The following AADACL2 variants were observed in gnomAD, a reference collection of about 807,000 sequenced individuals.
AADACL2 encodes arylacetamide deacetylase like 2, also known as arylacetamide deacetylase-like 2.
AADACL2 carries 23 observed loss-of-function variants against 22.3 expected under a neutral mutation model. The ratio of observed to expected loss-of-function variants is 1.03; its 90% CI spans 0.74 to 1.46. The LOEUF (loss-of-function observed/expected upper bound fraction) is 1.46, where lower values mean the gene tolerates loss of function less well. Ranked by LOEUF, AADACL2 falls within the 40% of genes most tolerant of loss-of-function variation. The probability of loss-of-function intolerance (pLI) is 0.00; values close to 1 mark genes in which losing one functional copy is unlikely to be tolerated. For missense variants in AADACL2, 472 were observed against 482.9 expected (o/e 0.98, Z 0.21); for synonymous variants, 177 against 166.2 (o/e 1.07, Z -0.50).
intron 1 of AADACL2, among the ~76,000 whole-genome samples, chr3:151,736,154 T>C (rs1713078508): frequency 6.6e-6 from 1 of 151,812 alleles, no homozygotes; most frequent in Non-Finnish European, 1.5e-5. Flanking sequence ...GCCTACAAAA[T>C]TTATTTTTCT....
chr3:151,750,241 T>C (rs1713619540), intron 4 of AADACL2, among the ~76,000 whole-genome samples: 2 of 152,342 alleles, frequency 1.3e-5, no homozygotes, highest in South Asian at 4.1e-4. Flanking sequence ...AGTATTTTGC[T>C]TATAATTTTT....
At position 151,757,170 on chromosome 3, in the gene AADACL2, C is replaced by T. The variant is rs2107992628; in HGVS notation, c.782C>T (p.Pro261Leu). Residue 261 changes from proline (P) to leucine (L), a missense_variant, in exon 5 of 5, where the codon CCC becomes CTC. Pro to Leu is a moderately conservative substitution (Grantham distance 98). Coordinates refer to ENST00000356517, the MANE Select transcript of AADACL2 (RefSeq NM_207365.4). ...SLYFTKDEAL[P>L]WAMRRNQHMP... is the part of the protein sequence containing the mutation. ...TATTTCACCAAGGATGAAGCACTTCCCTGGGCAATGAGAAGAAACCAACAC... is the reference window on the plus strand; with the variant it reads ...TATTTCACCAAGGATGAAGCACTTCTCTGGGCAATGAGAAGAAACCAACAC... 1.2e-6 allele frequency: 2 copies of T among 1,613,348 alleles called. No individual in the cohort carries two copies. Among genetic ancestry groups the T allele is most frequent in the East Asian group, 4.5e-5 (2 of 44,838 alleles).
At chr3:151,750,528 T>C (rs1387871500) in intron 4 of AADACL2, among the ~76,000 whole-genome samples, 1 of 152,098 alleles carries the variant, frequency 6.6e-6, no homozygotes, top group Non-Finnish European at 1.5e-5. Context: ...TGTCTACTCC[T>C]TATGTCAACT....
chr3:151,752,881 A>C (rs1264802945), intron 4 of AADACL2, among the ~76,000 whole-genome samples: 1 of 152,100 alleles, frequency 6.6e-6, no homozygotes, highest in East Asian at 1.9e-4. Context: ...AATTTGTATC[A>C]TTTGTCATAA....
Position 151,757,643 on chromosome 3 carries a change from A to G in AADACL2, c.*49A>G, listed in dbSNP as rs772240863. 8 of 1,527,462 alleles carry G rather than the reference A, an allele frequency of 5.2e-6. No individual in the cohort carries two copies. The highest frequency in any genetic ancestry group is 2.7e-5 in the South Asian group (2 of 75,250). The allele number at this position is 1,527,462 out of a possible 1,614,324, so 94.6% of individuals were successfully genotyped here. Reference sequence around the variant, plus strand: ...CTTACATAGTGGATTGTAATTTGTGATATTTTGTGGTTTTGGAGCAAAGAA... The same window carrying G: ...CTTACATAGTGGATTGTAATTTGTGGTATTTTGTGGTTTTGGAGCAAAGAA... On this transcript the variant is annotated 3_prime_UTR_variant, in exon 5 of 5. Coordinates refer to ENST00000356517, the MANE Select transcript of AADACL2 (RefSeq NM_207365.4).
chr3:151,760,166 T>C lies in AADACL2; in HGVS notation c.*2572T>C, dbSNP rs1027409334. On this transcript the variant is annotated 3_prime_UTR_variant, in exon 5 of 5. Coordinates refer to ENST00000356517, the MANE Select transcript of AADACL2 (RefSeq NM_207365.4). Reference sequence around the variant, plus strand: ...CAGTGGTATAGAAACTACCTAGCTGTAATGATGTATCTTTTAACAAATCTA... The same window carrying C: ...CAGTGGTATAGAAACTACCTAGCTGCAATGATGTATCTTTTAACAAATCTA... The C allele has an allele frequency of 6.6e-6, 1 of 152,180 alleles. No homozygotes were observed. The highest frequency in any genetic ancestry group is 1.5e-5 in the Non-Finnish European group (1 of 68,020). 9.4% of individuals were successfully genotyped at this position (152,180 alleles called of 1,614,324 possible). A position where few individuals can be genotyped will look rare whatever the true frequency, so the allele number is the denominator to read the frequency against.
rs1174888002 is a variant in AADACL2, at chr3:151,758,946, T to G, written c.*1352T>G. 2 of 152,220 alleles carry G rather than the reference T, an allele frequency of 1.3e-5. No individual in the cohort carries two copies. The highest frequency in any genetic ancestry group is 3.9e-4 in the East Asian group (2 of 5,190). 9.4% of individuals were successfully genotyped at this position (152,220 alleles called of 1,614,324 possible). On this transcript the variant is annotated 3_prime_UTR_variant, in exon 5 of 5. Coordinates refer to ENST00000356517, the MANE Select transcript of AADACL2 (RefSeq NM_207365.4). ...CATGATTCAGAAGGCAATTAAGAAT[T>G]ACAATTTCAACAGTCCACAAACAAA... is the stretch of plus-strand genomic sequence containing the variant.
Position 151,745,576 on chromosome 3 carries a change from T to C in AADACL2, c.499T>C (p.Phe167Leu). 6.2e-7 allele frequency: 1 copy of C among 1,613,926 alleles called. No individual in the cohort carries two copies. The highest frequency in any genetic ancestry group is 8.5e-7 in the Non-Finnish European group (1 of 1,179,898). Reference sequence around the variant, plus strand: ...AGATGGCCTTGCTGCAGTCAAATTTTTTCTTTTGGAAAAAATTCTTACAAA... The same window carrying C: ...AGATGGCCTTGCTGCAGTCAAATTTCTTCTTTTGGAAAAAATTCTTACAAA... ...FEDGLAAVKF[F>L]LLEKILTKYG... is the part of the protein sequence containing the mutation. Residue 167 changes from phenylalanine to leucine, a missense_variant, in exon 4 of 5, where the codon TTT becomes CTT. Physicochemically the swap from Phe to Leu is conservative, Grantham distance 22 (BLOSUM62 0). This residue lies in a region of AADACL2 where 356 missense variants were observed against 365.5 expected (regional missense o/e 0.97). Transcript: ENST00000356517.
In AADACL2 at chr3:151,757,170, C is replaced by A; in HGVS notation, c.782C>A (p.Pro261His). Residue 261 changes from proline to histidine, a missense_variant, in exon 5 of 5, where the codon CCC (proline) becomes CAC (histidine). Physicochemically the swap from Pro to His is moderately conservative, Grantham distance 77. Transcript: ENST00000356517. ...SLYFTKDEALPWAMRRNQHMP... is the reference protein window; with the variant it reads ...SLYFTKDEALHWAMRRNQHMP... ...TATTTCACCAAGGATGAAGCACTTC[C>A]CTGGGCAATGAGAAGAAACCAACAC... 2 of 1,613,348 alleles carry A rather than the reference C, an allele frequency of 1.2e-6. No homozygotes were observed. The highest frequency in any genetic ancestry group is 1.7e-6 in the Non-Finnish European group (2 of 1,179,650).
chr3:151,738,575 T>C (rs1464359055), intron 1 of AADACL2, among the ~76,000 whole-genome samples: 2 of 152,218 alleles, frequency 1.3e-5, no homozygotes, highest in Non-Finnish European at 2.9e-5. Context: ...CTGGATAATA[T>C]CCTGAGGTGT....
In AADACL2 at chr3:151,759,203, T is replaced by C. The variant is rs932194168; in HGVS notation, c.*1609T>C. ...TGTATTTTTCATAATTCTGATTTAA[T>C]CTCCTGTAAACTTGATATATTTTAA... On this transcript the variant is annotated 3_prime_UTR_variant, in exon 5 of 5. Transcript: ENST00000356517. The C allele has an allele frequency of 6.6e-6, 1 of 152,154 alleles. No individual in the cohort carries two copies. 9.4% of individuals were successfully genotyped at this position (152,154 alleles called of 1,614,324 possible).
chr3:151,745,772 A>C, intron 4 of AADACL2, 92 bp downstream of exon 4: 1 of 1,315,420 alleles, frequency 7.6e-7, no homozygotes, highest in Non-Finnish European at 1.0e-6. Context: ...CATTTGTTGA[A>C]AAGACCATTC....
rs757314559 is a variant in AADACL2, at chr3:151,744,157, C to A, written c.426C>A (p.Gly142=). The A allele has an allele frequency of 7.4e-6, 12 of 1,613,384 alleles. No homozygotes were observed. The highest frequency in any genetic ancestry group is 5.0e-5 in the Admixed American group (3 of 59,974). Residue 142 remains glycine (G), a synonymous_variant, in exon 3 of 5, where the codon GGC becomes GGA. Coordinates refer to ENST00000356517, the MANE Select transcript of AADACL2 (RefSeq NM_207365.4). ...TANTLDAVVV[G]VDYRLAPQHH... is the part of the protein sequence containing the mutation. ...ACACGCTTGATGCTGTTGTTGTAGG[C>A]GTGGAGTAAGAATGATTTTTTTCTG...
At position 151,733,988 on chromosome 3, in the gene AADACL2, GA is replaced by G. The variant is rs1265850318; in HGVS notation, c.-43del. On this transcript the variant is annotated 5_prime_UTR_variant, in exon 1 of 5. Transcript: ENST00000356517. ...CTACTAGTTACTATTCAGTGTTTGT[GA>G]AAAATTTTAATCTCAGTACTGTGAA... 1.3e-6 allele frequency: 2 copies of G among 1,531,588 alleles called. No individual in the cohort carries two copies. Among genetic ancestry groups the G allele is most frequent in the Admixed American group, 2.2e-5 (1 of 46,350 alleles). 94.9% of individuals were successfully genotyped at this position (1,531,588 alleles called of 1,614,324 possible).
chr3:151,736,173 T>A (rs1049203743), intron 1 of AADACL2, among the ~76,000 whole-genome samples: 2 of 151,850 alleles, frequency 1.3e-5, no homozygotes, highest in African/African-American at 2.4e-5. Context: ...CTGAAAAAAA[T>A]TTACAAATCA....
At chr3:151,741,269 T>C (rs1176072920) in intron 2 of AADACL2, among the ~76,000 whole-genome samples, 1 of 152,160 alleles carries the variant, frequency 6.6e-6, no homozygotes, top group African/African-American at 2.4e-5. Context: ...AAGATCAAGT[T>C]TGCAGTTACT....
intron 4 of AADACL2, among the ~76,000 whole-genome samples, chr3:151,747,308 C>T: frequency 6.6e-6 from 1 of 152,036 alleles, no homozygotes; most frequent in South Asian, 2.1e-4. Context: ...TAACTATAGT[C>T]ACCGCACTTA....
intron 4 of AADACL2, among the ~76,000 whole-genome samples, chr3:151,755,958 A>G (rs62274242): frequency 0.29 from 44,010 of 151,926 alleles, 6,508 homozygotes; most frequent in African/African-American, 0.34. Flanking sequence ...TTCATTCTAC[A>G]CTTATTAAAC....
chr3:151,740,032 C>T (rs1713227063), intron 1 of AADACL2, among the ~76,000 whole-genome samples: 1 of 152,218 alleles, frequency 6.6e-6, no homozygotes, highest in African/African-American at 2.4e-5. Flanking sequence ...TTCTGTCTCA[C>T]TGGAGTTCCA....
Sources: allele counts gnomAD v4.1 joint callset (sites outside exome capture counted in the v4.1 genomes callset), GRCh38; gene constraint gnomAD v4.1.1; regional missense constraint gnomAD v4.1.1; transcripts MANE v1.5; gene names NCBI Gene and HGNC (gene_info 2026-07-23, HGNC 2026-07-21).